The following KIF21A variants were observed in gnomAD, a reference collection of about 807,000 sequenced individuals.
The protein encoded by KIF21A is kinesin family member 21A, also known as kinesin-like protein KIF21A.
A neutral mutation model predicts 202.9 loss-of-function variants in KIF21A; 114 were observed. That is an observed-to-expected ratio of 0.56 (90% CI 0.48 to 0.66). KIF21A has a LOEUF of 0.66. Among genes scored for constraint, KIF21A ranks in the 30% least tolerant of loss-of-function variants. The probability of loss-of-function intolerance (pLI) is 0.00; values close to 1 mark genes in which losing one functional copy is unlikely to be tolerated. For synonymous variants in KIF21A, 667 were observed against 670.8 expected (o/e 0.99, Z 0.09); for missense variants, 1,677 against 1,994.9 (o/e 0.84, Z 3.04).
chr12:39,358,273 T>C lies in KIF21A; in HGVS notation c.1120A>G (p.Lys374Glu). ...GCTCTGTCCTGATTGACCATCACCTTATTCTTGATATTTCTAGCTCGATTG... is the reference window on the plus strand; with the variant it reads ...GCTCTGTCCTGATTGACCATCACCTCATTCTTGATATTTCTAGCTCGATTG... ...YANRARNIKNKVMVNQDRASQ... is the reference protein window; with the variant it reads ...YANRARNIKNEVMVNQDRASQ... Residue 374 changes from lysine to glutamate, a missense_variant, in exon 8 of 38, where the codon AAG becomes GAG. This residue lies in a region of KIF21A where 966 missense variants were observed against 1,180.9 expected (regional missense o/e 0.82). Coordinates refer to ENST00000361418, the MANE Select transcript of KIF21A (RefSeq NM_001173464.2). 1 of 1,614,110 alleles carries C rather than the reference T, an allele frequency of 6.2e-7. No homozygotes were observed. Among genetic ancestry groups the C allele is most frequent in the Non-Finnish European group, 8.5e-7 (1 of 1,179,988 alleles).
intron 17 of KIF21A, among the ~76,000 whole-genome samples, chr12:39,333,958 T>C (rs1220169747): frequency 6.6e-6 from 1 of 151,036 alleles, no homozygotes; most frequent in Non-Finnish European, 1.5e-5. Context: ...TCCCAGCACT[T>C]TGGGAGGTCA....
chr12:39,364,010 C>T (rs745695653), intron 6 of KIF21A, among the ~76,000 whole-genome samples: 6 of 152,162 alleles, frequency 3.9e-5, no homozygotes, highest in Non-Finnish European at 7.4e-5. Flanking sequence ...AGAGTGAGAC[C>T]CCGCCTCAAA....
At chr12:39,400,155 C>T (rs992362572) in intron 1 of KIF21A, among the ~76,000 whole-genome samples, 3 of 152,142 alleles carry the variant, frequency 2.0e-5, no homozygotes, top group Non-Finnish European at 4.4e-5. Flanking sequence ...CTATTTTCCA[C>T]GGTTTACAAT....
intron 1 of KIF21A, among the ~76,000 whole-genome samples, chr12:39,376,750 T>C (rs1468437898): frequency 1.3e-5 from 2 of 152,162 alleles, no homozygotes; most frequent in African/African-American, 2.4e-5. Flanking sequence ...TTTAAATGCA[T>C]GTGGTTTTTG....
rs1946567675 is a variant in KIF21A, at chr12:39,332,211, A to G, written c.3051+3T>C. 2 of 1,613,072 alleles carry G rather than the reference A, an allele frequency of 1.2e-6. No individual in the cohort carries two copies. The highest frequency in any genetic ancestry group is 8.5e-7 in the Non-Finnish European group (1 of 1,179,408). ...CCATTACGCTTTTTTAAAAATTACA[A>G]ACCTTTGCTTCTTCCATCTGCATTA... On this transcript the variant is annotated splice_donor_region_variant and intron_variant, in intron 21 of 37. Coordinates refer to ENST00000361418, the MANE Select transcript of KIF21A (RefSeq NM_001173464.2).
intron 1 of KIF21A, among the ~76,000 whole-genome samples, chr12:39,374,794 C>G (rs376840428): frequency 1.3e-5 from 2 of 152,162 alleles, no homozygotes; most frequent in African/African-American, 2.4e-5. Flanking sequence ...CTATGAGGAG[C>G]CTGGCTTTAC....
chr12:39,303,058 T>C lies in KIF21A; in HGVS notation c.4638A>G (p.Ile1546Met). 1 of 1,614,016 alleles carries C rather than the reference T, an allele frequency of 6.2e-7. No individual in the cohort carries two copies. Among genetic ancestry groups the C allele is most frequent in the Non-Finnish European group, 8.5e-7 (1 of 1,179,872 alleles). Residue 1546 changes from isoleucine (I) to methionine (M), a missense_variant, in exon 36 of 38, where the codon ATA becomes ATG. Ile to Met is a conservative substitution (Grantham distance 10, BLOSUM62 1). This residue lies in a region of KIF21A where 705 missense variants were observed against 791.9 expected (regional missense o/e 0.89). Transcript: ENST00000361418. ...HNFEPPHYDG[I>M]EALTIQGDNL... ...TATCCCCTTGAATGGTTAGTGCTTC[T>C]ATGCCATCATAATGAGGGGGTTCAA...
chr12:39,356,617 A>T (rs1190096576), intron 10 of KIF21A: 1 of 431,380 alleles, frequency 2.3e-6, no homozygotes, highest in Non-Finnish European at 4.1e-6. Context: ...CAGTAAGAGT[A>T]GGAGAATAAT....
intron 1 of KIF21A, among the ~76,000 whole-genome samples, chr12:39,398,488 C>T (rs1194307044): frequency 6.6e-6 from 1 of 152,050 alleles, no homozygotes; most frequent in African/African-American, 2.4e-5. Context: ...GTAGTCCCAG[C>T]TACTCAGGAG....
At chr12:39,409,571 G>A (rs1026234317) in intron 1 of KIF21A, among the ~76,000 whole-genome samples, 1 of 150,892 alleles carries the variant, frequency 6.6e-6, no homozygotes, top group Non-Finnish European at 1.5e-5. Flanking sequence ...AAGATGGAGA[G>A]GAATATTTCA....
At chr12:39,353,081 C>T (rs1948519125) in intron 10 of KIF21A, among the ~76,000 whole-genome samples, 1 of 152,122 alleles carries the variant, frequency 6.6e-6, no homozygotes, top group African/African-American at 2.4e-5. Flanking sequence ...GCACCTTTGC[C>T]ATATGTTCAA....
intron 1 of KIF21A, among the ~76,000 whole-genome samples, chr12:39,407,371 T>C (rs906852533): frequency 2.0e-5 from 3 of 152,194 alleles, no homozygotes; most frequent in African/African-American, 7.2e-5. Context: ...CTCAAAACAA[T>C]GGCTTATTCT....
chr12:39,336,953 G>A (rs961394532), intron 17 of KIF21A, 143 bp downstream of exon 17: 6 of 646,326 alleles, frequency 9.3e-6, no homozygotes, highest in Admixed American at 4.7e-5. Flanking sequence ...TGTAATAAAT[G>A]ACATTTTATA....
intron 1 of KIF21A, among the ~76,000 whole-genome samples, chr12:39,413,277 A>C: frequency 6.6e-6 from 1 of 152,220 alleles, no homozygotes; most frequent in East Asian, 1.9e-4. Context: ...CAGTTTAAAC[A>C]GATAAATTAG....
chr12:39,340,087 C>T (rs1472749775), intron 16 of KIF21A, 78 bp downstream of exon 16: 1 of 1,118,890 alleles, frequency 8.9e-7, no homozygotes, highest in Non-Finnish European at 1.3e-6. Flanking sequence ...GAAAGAACCA[C>T]AAGAGTTGTT....
chr12:39,299,018 A>AT (rs1358253367), intron 37 of KIF21A, among the ~76,000 whole-genome samples: 1 of 152,176 alleles, frequency 6.6e-6, no homozygotes, highest in South Asian at 2.1e-4. Flanking sequence ...AGTAGAACTA[A>AT]TTTTTTAAAA....
intron 1 of KIF21A, among the ~76,000 whole-genome samples, chr12:39,408,380 G>C (rs544168907): frequency 5.3e-5 from 8 of 152,040 alleles, no homozygotes; most frequent in Non-Finnish European, 1.2e-4. Flanking sequence ...GGCAATGCTG[G>C]CTCAACTGCT....
At chr12:39,383,610 T>A (rs766165217) in intron 1 of KIF21A, among the ~76,000 whole-genome samples, 3 of 152,106 alleles carry the variant, frequency 2.0e-5, no homozygotes, top group Non-Finnish European at 2.9e-5. Context: ...GAATTTATAA[T>A]CTAATAATAA....
chr12:39,311,617 A>G (rs1031822916), intron 31 of KIF21A, 64 bp from the exon 32 acceptor site: 14 of 1,586,092 alleles, frequency 8.8e-6, no homozygotes, highest in Non-Finnish European at 1.2e-5. Context: ...ATATCATGAG[A>G]CTAGTTTTGT....
Sources: gnomAD v4.1 joint callset for allele counts (sites outside exome capture counted in the v4.1 genomes callset) on GRCh38, gnomAD v4.1.1 for gene constraint, gnomAD v4.1.1 regional missense constraint, MANE v1.5 for transcripts, NCBI Gene and HGNC (gene_info 2026-07-23, HGNC 2026-07-21) for gene names.